HMOX1: variants seen among roughly 807,000 people sequenced by gnomAD.
The protein encoded by HMOX1 is heat shock protein, 32-kD.
A neutral mutation model predicts 27.8 loss-of-function variants in HMOX1; 22 were observed. The observed-to-expected ratio is 0.79, with a 90% CI of 0.57 to 1.13. The LOEUF (loss-of-function observed/expected upper bound fraction) is 1.13, where lower values mean the gene tolerates loss of function less well. Ranked by LOEUF, HMOX1 falls within the 50% of genes most tolerant of loss-of-function variation. The pLI is 0.00. For synonymous variants in HMOX1, 153 were observed against 151.6 expected, an observed-to-expected ratio of 1.01 and a Z score of -0.07; for missense variants, 379 against 377.7, an observed-to-expected ratio of 1.00 and a Z score of -0.03.
Position 35,393,944 on chromosome 22 carries a change from C to G in HMOX1, c.*346C>G, listed in dbSNP as rs1402806625. On this transcript the variant is annotated 3_prime_UTR_variant, in exon 5 of 5. Coordinates refer to ENST00000216117, the MANE Select transcript of HMOX1 (RefSeq NM_002133.3). ...GTTTCAAGTATCCTTGTTGACACGGCCATGACCACTTTCCCCGTGGGCCAT... is the reference window on the plus strand; with the variant it reads ...GTTTCAAGTATCCTTGTTGACACGGGCATGACCACTTTCCCCGTGGGCCAT... 2 of 356,200 alleles carry G rather than the reference C, an allele frequency of 5.6e-6. No homozygotes were observed. Among genetic ancestry groups the G allele is most frequent in the African/African-American group, 4.2e-5 (2 of 47,318 alleles). 22.1% of individuals were successfully genotyped at this position (356,200 alleles called of 1,614,324 possible). A position where few individuals can be genotyped will look rare whatever the true frequency, so the allele number is the denominator to read the frequency against.
chr22:35,385,523 T>C (rs897398321), intron 2 of HMOX1, among the ~76,000 whole-genome samples: 1 of 150,672 alleles, frequency 6.6e-6, no homozygotes, highest in Non-Finnish European at 1.5e-5. Flanking sequence ...CACTGCAACC[T>C]TGAAATCCTG....
Position 35,394,130 on chromosome 22 carries a change from G to C in HMOX1, c.*532G>C, listed in dbSNP as rs916063716. Reference sequence around the variant, plus strand: ...GGTGGTTTTTGAGCCATGCGTGGGTGGGGAGGGAGGTGTTTAACGGCACTG... The same window carrying C: ...GGTGGTTTTTGAGCCATGCGTGGGTCGGGAGGGAGGTGTTTAACGGCACTG... On this transcript the variant is annotated 3_prime_UTR_variant, in exon 5 of 5. Coordinates refer to ENST00000216117, the MANE Select transcript of HMOX1 (RefSeq NM_002133.3). 10 of 192,798 alleles carry C rather than the reference G, an allele frequency of 5.2e-5. No homozygotes were observed. Among genetic ancestry groups the C allele is most frequent in the Non-Finnish European group, 6.6e-5 (6 of 91,114 alleles). 11.9% of individuals were successfully genotyped at this position (192,798 alleles called of 1,614,324 possible). A position where few individuals can be genotyped will look rare whatever the true frequency, so the allele number is the denominator to read the frequency against.
At chr22:35,392,299 G>C (rs1294016846) in intron 4 of HMOX1, among the ~76,000 whole-genome samples, 1 of 151,858 alleles carries the variant, frequency 6.6e-6, no homozygotes, top group African/African-American at 2.4e-5. Flanking sequence ...AATAGTGATA[G>C]CTATACTCAC....
Position 35,393,728 on chromosome 22 carries a change from CT to C in HMOX1, c.*131del. ...GCTTTCAGGGCCTCCAGCCCTCTCA[CT>C]GTGTCCCTCTCTCTGGAAAGGAGGA... On this transcript the variant is annotated 3_prime_UTR_variant, in exon 5 of 5. Coordinates refer to ENST00000216117, the MANE Select transcript of HMOX1 (RefSeq NM_002133.3). 9.3e-7 allele frequency: 1 copy of C among 1,070,428 alleles called. No individual in the cohort carries two copies. The highest frequency in any genetic ancestry group is 1.3e-5 in the South Asian group (1 of 78,744). The allele number at this position is 1,070,428 out of a possible 1,614,324, so 66.3% of individuals were successfully genotyped here. A position where few individuals can be genotyped will look rare whatever the true frequency, so the allele number is the denominator to read the frequency against.
chr22:35,393,319 G>A, intron 4 of HMOX1, 149 bp from the exon 5 acceptor site: 1 of 917,996 alleles, frequency 1.1e-6, no homozygotes, highest in Non-Finnish European at 1.8e-6. Context: ...AGTGGCTAGA[G>A]GGACACCTGT....
chr22:35,389,286 TCTC>T lies in HMOX1; in HGVS notation c.637-577_637-575del, dbSNP rs1469737140. On this transcript the variant is annotated intron_variant, in intron 3 of 4. Coordinates refer to ENST00000216117, the MANE Select transcript of HMOX1 (RefSeq NM_002133.3). ...TCTCTCTCTCTCTCCTCTCTCTCTC[TCTC>T]TTCTTTCTTCTTTCTTTCTTTCTTT... 1.3e-3 allele frequency among the ~76,000 whole-genome samples: 143 copies of T among 111,718 alleles called. 14 individuals are homozygous for T. In the East Asian group the frequency reaches 0.029, roughly 23 times the overall value. The allele number at this position is 111,718 out of a possible 152,430, so 73.3% of individuals were successfully genotyped here. A position where few individuals can be genotyped will look rare whatever the true frequency, so the allele number is the denominator to read the frequency against.
intron 1 of HMOX1, 128 bp downstream of exon 1, chr22:35,381,324 C>A (rs1931384770): frequency 1.7e-6 from 2 of 1,143,334 alleles, no homozygotes; most frequent in Middle Eastern, 1.9e-4. Flanking sequence ...GCTCTGGAGT[C>A]AGGAGGTGCG....
chr22:35,391,184 C>T (rs1161587654), intron 4 of HMOX1, among the ~76,000 whole-genome samples: 1 of 152,120 alleles, frequency 6.6e-6, no homozygotes, highest in Non-Finnish European at 1.5e-5. Context: ...CCTAATGAAG[C>T]AGTTCTCAAA....
At chr22:35,382,496 C>A (rs368312253) in intron 1 of HMOX1, among the ~76,000 whole-genome samples, 1 of 149,976 alleles carries the variant, frequency 6.7e-6, no homozygotes, top group Admixed American at 6.6e-5. Flanking sequence ...GGATTACAGG[C>A]GCCCACTACC....
At chr22:35,383,260 G>C (rs1188514318) in intron 2 of HMOX1, 34 bp downstream of exon 2, 2 of 1,608,496 alleles carry the variant, frequency 1.2e-6, no homozygotes, top group Non-Finnish European at 1.7e-6. Context: ...CCTGGTGGAG[G>C]GTGTGGCAGG....
intron 3 of HMOX1, among the ~76,000 whole-genome samples, chr22:35,388,132 A>C (rs1931553985): frequency 8.9e-6 from 1 of 112,256 alleles, no homozygotes; most frequent in South Asian, 2.5e-4. Flanking sequence ...AATTTAAAGG[A>C]AAAAAATGTT....
rs72053640 is a variant in HMOX1 at position 35,389,250 on chromosome 22, TTCTCTC to T, written c.637-595_637-590del. On this transcript the variant is annotated intron_variant, in intron 3 of 4. Coordinates refer to ENST00000216117, the MANE Select transcript of HMOX1 (RefSeq NM_002133.3). Reference sequence around the variant, plus strand: ...CTTTCTTTCTTTCTTTTTCTTTCTTTTCTCTCTCTCTCTCTCTCTCTCTCCTCTCTC... The same window carrying T: ...CTTTCTTTCTTTCTTTTTCTTTCTTTTCTCTCTCTCTCTCTCTCCTCTCTC... Among the ~76,000 whole-genome samples, 227 of 107,846 alleles carry T rather than the reference TTCTCTC, an allele frequency of 2.1e-3. 7 individuals are homozygous for T. The highest frequency in any genetic ancestry group is 3.0e-3 in the African/African-American group (61 of 20,514). 70.8% of individuals were successfully genotyped at this position (107,846 alleles called of 152,430 possible).
Position 35,386,943 on chromosome 22 carries a change from A to G in HMOX1, c.403A>G (p.Thr135Ala), listed in dbSNP as rs760556663. 2.5e-6 allele frequency: 4 copies of G among 1,614,050 alleles called. No individual in the cohort carries two copies. In the East Asian group the frequency reaches 6.7e-5, roughly 27 times the overall value. The change falls in exon 3 of 5, where the codon ACC becomes GCC. Residue 135 changes from threonine to alanine, a missense_variant. Transcript: ENST00000216117. ...CGAGCTGCTGGTGGCCCACGCCTACACCCGCTACCTGGGTGACCTGTCTGG... is the reference window on the plus strand; with the variant it reads ...CGAGCTGCTGGTGGCCCACGCCTACGCCCGCTACCTGGGTGACCTGTCTGG... Reference protein sequence around the residue: ...EPELLVAHAYTRYLGDLSGGQ... With the variant: ...EPELLVAHAYARYLGDLSGGQ...
In HMOX1 at chr22:35,389,247, C is replaced by CTTTCT. The variant is rs1569057127; in HGVS notation, c.637-614_637-613insCTTTT. Among the ~76,000 whole-genome samples the CTTTCT allele has an allele frequency of 2.8e-4, 34 of 119,642 alleles. 2 individuals are homozygous for CTTTCT. The highest frequency in any genetic ancestry group is 5.5e-4 in the South Asian group (2 of 3,640). The allele number at this position is 119,642 out of a possible 152,430, so 78.5% of individuals were successfully genotyped here. A position where few individuals can be genotyped will look rare whatever the true frequency, so the allele number is the denominator to read the frequency against. ...TTTCTTTCTTTCTTTCTTTTTCTTT[C>CTTTCT]TTTTCTCTCTCTCTCTCTCTCTCTC... On this transcript the variant is annotated intron_variant, in intron 3 of 4. Transcript: ENST00000216117.
intron 3 of HMOX1, among the ~76,000 whole-genome samples, chr22:35,389,229 C>CTTTCTTT (rs1555901537): frequency 8.5e-6 from 1 of 116,976 alleles, no homozygotes. Flanking sequence ...TTCTTTCTTT[C>CTTTCTTT]TTTCTTTCTT....
rs1286578268 is a variant in HMOX1 at position 35,393,763 on chromosome 22, A to G, written c.*165A>G. The G allele has an allele frequency of 1.2e-6, 1 of 844,940 alleles. No individual in the cohort carries two copies. Among genetic ancestry groups the G allele is most frequent in the Non-Finnish European group, 2.0e-6 (1 of 512,548 alleles). 52.3% of individuals were successfully genotyped at this position (844,940 alleles called of 1,614,324 possible). A position where few individuals can be genotyped will look rare whatever the true frequency, so the allele number is the denominator to read the frequency against. On this transcript the variant is annotated 3_prime_UTR_variant, in exon 5 of 5. Coordinates refer to ENST00000216117, the MANE Select transcript of HMOX1 (RefSeq NM_002133.3). ...CTCTCTGGAAAGGAGGAAGGAGCCT[A>G]TGGCATCTTCCCCAACGAAAAGCAC...
rs74320374 is a variant in HMOX1, at chr22:35,384,539, G to C, written c.144+1313G>C. 1.3e-4 allele frequency among the ~76,000 whole-genome samples: 20 copies of C among 152,066 alleles called. No individual in the cohort carries two copies. The East Asian group carries it at 2.9e-3, about 22-fold the overall frequency. The stretch of plus-strand genomic sequence containing the variant: ...TGACTGGAGACAGTGGGTGCAGGGA[G>C]GTGAATGCTGGAATATCCCATCCCC... On this transcript the variant is annotated intron_variant, in intron 2 of 4. Coordinates refer to ENST00000216117, the MANE Select transcript of HMOX1 (RefSeq NM_002133.3).
chr22:35,389,309 T>C lies in HMOX1; in HGVS notation c.637-555T>C, dbSNP rs1275206210. On this transcript the variant is annotated intron_variant, in intron 3 of 4. Coordinates refer to ENST00000216117, the MANE Select transcript of HMOX1 (RefSeq NM_002133.3). ...TCTCTCTTCTTTCTTCTTTCTTTCTTTCTTTCTTTCTTCTTTCTTTCTTTC... is the reference window on the plus strand; with the variant it reads ...TCTCTCTTCTTTCTTCTTTCTTTCTCTCTTTCTTTCTTCTTTCTTTCTTTC... Among the ~76,000 whole-genome samples, 20 of 130,290 alleles carry C rather than the reference T, an allele frequency of 1.5e-4. 1 individual carries two copies. The highest frequency in any genetic ancestry group is 7.3e-4 in the African/African-American group (19 of 26,146). 85.5% of individuals were successfully genotyped at this position (130,290 alleles called of 152,430 possible).
chr22:35,383,072 A>C, intron 1 of HMOX1, 34 bp from the exon 2 acceptor site: 1 of 1,611,656 alleles, frequency 6.2e-7, no homozygotes, highest in South Asian at 1.1e-5. Flanking sequence ...ACCCCCAGCC[A>C]GCTTTGTGTT....
Sources: allele counts gnomAD v4.1 joint callset (sites outside exome capture counted in the v4.1 genomes callset), GRCh38; gene constraint gnomAD v4.1.1; transcripts MANE v1.5; gene names NCBI Gene and HGNC (gene_info 2026-07-23, HGNC 2026-07-21).